Variants in TEAD1 observed in about 807,000 individuals in gnomAD.
TEAD1 encodes transcriptional enhancer factor TEF-1.
TEAD1 carries 9 observed loss-of-function variants against 54.9 expected under a neutral mutation model. The observed-to-expected ratio is 0.16, with a 90% confidence interval of 0.10 to 0.29. TEAD1 has a LOEUF of 0.29. TEAD1 is among the 10% of genes least tolerant of loss of function. TEAD1 has a pLI of 1.00. For synonymous variants in TEAD1, 200 were observed against 187.8 expected, an observed-to-expected ratio of 1.07 and a Z score of -0.53; for missense variants, 387 against 535.9, an observed-to-expected ratio of 0.72 and a Z score of 2.74.
intron 9 of TEAD1, among the ~76,000 whole-genome samples, chr11:12,884,858 G>T (rs1380827963): frequency 6.6e-6 from 1 of 152,198 alleles, no homozygotes; most frequent in Non-Finnish European, 1.5e-5. Flanking sequence ...AAGACAAACT[G>T]AAAGATGCCC....
chr11:12,797,142 G>A (rs945208730), intron 3 of TEAD1, among the ~76,000 whole-genome samples: 4 of 152,174 alleles, frequency 2.6e-5, no homozygotes, highest in Non-Finnish European at 4.4e-5. Context: ...TGTATTTTCC[G>A]TTGTAGGTTT....
At chr11:12,713,879 A>G (rs1943997509) in intron 2 of TEAD1, among the ~76,000 whole-genome samples, 2 of 152,076 alleles carry the variant, frequency 1.3e-5, no homozygotes, top group South Asian at 4.2e-4. Context: ...GTCCCAATAT[A>G]TTTGTTCCTG....
chr11:12,927,944 G>A (rs1208040789), intron 11 of TEAD1, among the ~76,000 whole-genome samples: 1 of 152,014 alleles, frequency 6.6e-6, no homozygotes, highest in Non-Finnish European at 1.5e-5. Context: ...AAAAAGTTTT[G>A]GTGTTTTGCC....
chr11:12,925,885 T>C (rs1310232214), intron 11 of TEAD1, among the ~76,000 whole-genome samples: 1 of 152,230 alleles, frequency 6.6e-6, no homozygotes, highest in Non-Finnish European at 1.5e-5. Flanking sequence ...TTTTGCCATT[T>C]CCACTGCCTT....
chr11:12,903,854 T>C (rs1486178280), intron 10 of TEAD1, among the ~76,000 whole-genome samples: 1 of 152,212 alleles, frequency 6.6e-6, no homozygotes, highest in Non-Finnish European at 1.5e-5. Flanking sequence ...CTTCTACTTA[T>C]ATTAATGGAT....
At chr11:12,712,251 T>A (rs1469633027) in intron 2 of TEAD1, among the ~76,000 whole-genome samples, 3 of 152,196 alleles carry the variant, frequency 2.0e-5, no homozygotes, top group African/African-American at 4.8e-5. Flanking sequence ...TCACTGTTCT[T>A]AGTACTCAGG....
At chr11:12,748,038 T>C (rs1259792801) in intron 2 of TEAD1, among the ~76,000 whole-genome samples, 1 of 151,796 alleles carries the variant, frequency 6.6e-6, no homozygotes, top group Non-Finnish European at 1.5e-5. Context: ...CCTGGCTCAC[T>C]GCAACCTCCA....
chr11:12,740,915 T>C (rs1944638043), intron 2 of TEAD1, among the ~76,000 whole-genome samples: 1 of 152,182 alleles, frequency 6.6e-6, no homozygotes, highest in Non-Finnish European at 1.5e-5. Flanking sequence ...TTTCTTCTTG[T>C]ATTCAAGGGC....
chr11:12,809,974 C>CTT (rs55647097), intron 3 of TEAD1, among the ~76,000 whole-genome samples: 2,287 of 115,216 alleles, frequency 0.02, 86 homozygotes, highest in Middle Eastern at 0.027. Context: ...TTTCCCCATT[C>CTT]TTTTTTTTTT....
intron 10 of TEAD1, among the ~76,000 whole-genome samples, chr11:12,908,883 G>GGTTTTTTTTTTTTTT (rs1554948598): frequency 2.0e-5 from 2 of 99,662 alleles, no homozygotes; most frequent in African/African-American, 6.4e-5. Flanking sequence ...CAAATTATCT[G>GGTTTTTTTTTTTTTT]TTTTTTTTTT....
At position 12,722,439 on chromosome 11, in the gene TEAD1, C is replaced by T. The variant is rs143458198; in HGVS notation, c.-54-41740C>T. Reference sequence around the variant, plus strand: ...CAGCCTTGAATAGGTCATCCGGTAACATCCCTTTCCTCATCAGCCTGCCTT... The same window carrying T: ...CAGCCTTGAATAGGTCATCCGGTAATATCCCTTTCCTCATCAGCCTGCCTT... On this transcript the variant is annotated intron_variant, in intron 2 of 12. Transcript: ENST00000527636. Among the ~76,000 whole-genome samples the T allele has an allele frequency of 3.3e-4, 51 of 152,302 alleles. 1 individual carries two copies. Among genetic ancestry groups the T allele is most frequent in the Non-Finnish European group, 5.3e-4 (36 of 68,026 alleles).
chr11:12,885,397 G>A (rs1948067544), intron 9 of TEAD1, among the ~76,000 whole-genome samples: 1 of 151,944 alleles, frequency 6.6e-6, no homozygotes, highest in Non-Finnish European at 1.5e-5. Flanking sequence ...CACTACGCCT[G>A]GCTAATTTTT....
chr11:12,916,817 A>T (rs1948721752), intron 10 of TEAD1, among the ~76,000 whole-genome samples: 1 of 152,228 alleles, frequency 6.6e-6, no homozygotes, highest in African/African-American at 2.4e-5. Context: ...GTAAAACTTG[A>T]ATCTTGGGAA....
intron 12 of TEAD1, among the ~76,000 whole-genome samples, chr11:12,935,355 G>A (rs1949081031): frequency 6.6e-6 from 1 of 152,164 alleles, no homozygotes; most frequent in Non-Finnish European, 1.5e-5. Context: ...GAGACAATCT[G>A]TGTAAAGCAT....
intron 2 of TEAD1, among the ~76,000 whole-genome samples, chr11:12,749,827 C>T (rs1378677010): frequency 6.6e-6 from 1 of 152,128 alleles, no homozygotes; most frequent in Non-Finnish European, 1.5e-5. Context: ...CTTATCCTGC[C>T]TCAGCCTGTC....
At chr11:12,745,179 G>A (rs928145150) in intron 2 of TEAD1, among the ~76,000 whole-genome samples, 9 of 152,122 alleles carry the variant, frequency 5.9e-5, no homozygotes, top group African/African-American at 2.2e-4. Flanking sequence ...AAGAGAGCTG[G>A]GATAATAATG....
At chr11:12,685,041 A>G (rs182320164) in intron 2 of TEAD1, among the ~76,000 whole-genome samples, 1 of 152,226 alleles carries the variant, frequency 6.6e-6, no homozygotes, top group Admixed American at 6.5e-5. Context: ...ATTCCCAGCT[A>G]CACTTCTGGG....
chr11:12,732,080 A>ATTTTT (rs936984051), intron 2 of TEAD1, among the ~76,000 whole-genome samples: 1 of 147,662 alleles, frequency 6.8e-6, no homozygotes, highest in Non-Finnish European at 1.5e-5. Context: ...TTGTGAGTTG[A>ATTTTT]TTTTTTTTTT....
intron 5 of TEAD1, 134 bp downstream of exon 5, chr11:12,865,034 T>C: frequency 1.0e-6 from 1 of 1,000,496 alleles, no homozygotes; most frequent in Non-Finnish European, 1.6e-6. Flanking sequence ...TTTACATTTC[T>C]TTGTGTTTAA....
Sources: allele counts gnomAD v4.1 joint callset (sites outside exome capture counted in the v4.1 genomes callset), GRCh38; gene constraint gnomAD v4.1.1; transcripts MANE v1.5; gene names NCBI Gene and HGNC (gene_info 2026-07-23, HGNC 2026-07-21).